The following SYT14 variants were observed in gnomAD, a reference collection of about 807,000 sequenced individuals.
The protein encoded by SYT14 is synaptotagmin-14.
In SYT14, 32 loss-of-function variants were observed where a neutral mutation model predicts 74.2. That is an observed-to-expected ratio of 0.43 (90% CI 0.33 to 0.58). The LOEUF is 0.58. Ranked by LOEUF, SYT14 falls within the 20% of genes least tolerant of loss-of-function variation. The pLI, the probability that SYT14 is intolerant of heterozygous loss-of-function variation, is 0.05. For synonymous variants in SYT14, 298 were observed against 337.7 expected, an observed-to-expected ratio of 0.88 and a Z score of 1.29; for missense variants, 791 against 981.8, an observed-to-expected ratio of 0.81 and a Z score of 2.60.
chr1:210,006,053 T>A (rs2079982413), intron 2 of SYT14, among the ~76,000 whole-genome samples: 1 of 151,906 alleles, frequency 6.6e-6, no homozygotes, highest in East Asian at 1.9e-4. Flanking sequence ...GGTAACTGTT[T>A]CTCTTAGAGG....
intron 2 of SYT14, among the ~76,000 whole-genome samples, chr1:209,954,187 A>G (rs915797967): frequency 6.6e-6 from 1 of 152,242 alleles, no homozygotes; most frequent in African/African-American, 2.4e-5. Context: ...AGACAGCTAG[A>G]AGCAAGAAAA....
At chr1:210,132,815 C>G (rs896210426) in intron 7 of SYT14, among the ~76,000 whole-genome samples, 2 of 152,112 alleles carry the variant, frequency 1.3e-5, no homozygotes, top group Non-Finnish European at 2.9e-5. Context: ...TCCCTAGCCT[C>G]TCTTCTGGAT....
intron 5 of SYT14, among the ~76,000 whole-genome samples, chr1:210,076,942 A>G (rs553146043): frequency 3.4e-4 from 52 of 152,286 alleles, no homozygotes; most frequent in African/African-American, 1.2e-3. Flanking sequence ...GCCAAACCAT[A>G]TCAGTGGCTT....
intron 5 of SYT14, among the ~76,000 whole-genome samples, chr1:210,058,191 C>A (rs1364826629): frequency 6.6e-6 from 1 of 152,142 alleles, no homozygotes; most frequent in Non-Finnish European, 1.5e-5. Context: ...CATTCTGGGT[C>A]AGAGACTTCC....
intron 1 of SYT14, among the ~76,000 whole-genome samples, chr1:209,945,238 A>G (rs2078804404): frequency 6.6e-6 from 1 of 152,166 alleles, no homozygotes; most frequent in African/African-American, 2.4e-5. Flanking sequence ...TATTATTTTT[A>G]CTTACTCCAA....
intron 2 of SYT14, among the ~76,000 whole-genome samples, chr1:209,976,054 C>A (rs924832104): frequency 6.6e-6 from 1 of 152,074 alleles, no homozygotes; most frequent in Non-Finnish European, 1.5e-5. Context: ...GTGATATCCC[C>A]TTTATCATTT....
At chr1:209,996,964 C>T (rs935259583) in intron 2 of SYT14, among the ~76,000 whole-genome samples, 1 of 151,872 alleles carries the variant, frequency 6.6e-6, no homozygotes, top group African/African-American at 2.4e-5. Context: ...AGGAACATAC[C>T]TCAAAATAAT....
At chr1:209,961,496 G>A (rs1221600309) in intron 2 of SYT14, among the ~76,000 whole-genome samples, 1 of 152,082 alleles carries the variant, frequency 6.6e-6, no homozygotes, top group Non-Finnish European at 1.5e-5. Context: ...TCCAGGCTGG[G>A]TAACTAAAGT....
chr1:210,133,369 A>T (rs745722548), intron 7 of SYT14, among the ~76,000 whole-genome samples: 5 of 152,216 alleles, frequency 3.3e-5, no homozygotes, highest in Non-Finnish European at 7.3e-5. Flanking sequence ...ACCAGAAGCT[A>T]TTATCACTGG....
At chr1:210,147,245 A>C (rs1002294170) in intron 7 of SYT14, among the ~76,000 whole-genome samples, 2 of 152,156 alleles carry the variant, frequency 1.3e-5, no homozygotes, top group Admixed American at 6.5e-5. Context: ...TAGAATGAAA[A>C]AGTCATTAAA....
At chr1:210,032,842 A>C (rs2080571969) in intron 5 of SYT14, among the ~76,000 whole-genome samples, 1 of 151,734 alleles carries the variant, frequency 6.6e-6, no homozygotes, top group African/African-American at 2.4e-5. Context: ...CCATTCTACT[A>C]ATTGTGATAG....
At chr1:209,999,586 C>A (rs900297695) in intron 2 of SYT14, among the ~76,000 whole-genome samples, 23 of 151,968 alleles carry the variant, frequency 1.5e-4, no homozygotes, top group African/African-American at 5.6e-4. Flanking sequence ...AAGAATGAAA[C>A]CTTGTCATTT....
chr1:210,027,988 T>G (rs554207326), intron 5 of SYT14, among the ~76,000 whole-genome samples: 11 of 152,158 alleles, frequency 7.2e-5, no homozygotes, highest in Non-Finnish European at 1.5e-4. Flanking sequence ...TGTACAACCA[T>G]CACCACTATT....
chr1:210,040,943 C>G (rs968173934), intron 5 of SYT14, among the ~76,000 whole-genome samples: 2 of 152,184 alleles, frequency 1.3e-5, no homozygotes, highest in Admixed American at 6.5e-5. Flanking sequence ...TCCATGATCT[C>G]TGTTCTTCTA....
intron 5 of SYT14, among the ~76,000 whole-genome samples, chr1:210,068,469 C>A (rs949038405): frequency 4.6e-5 from 7 of 151,466 alleles, no homozygotes; most frequent in Non-Finnish European, 1.0e-4. Flanking sequence ...GACCATTATA[C>A]GAGATTAAGA....
At chr1:209,987,615 T>TA (rs1312253637) in intron 2 of SYT14, among the ~76,000 whole-genome samples, 2 of 152,240 alleles carry the variant, frequency 1.3e-5, no homozygotes, top group African/African-American at 4.8e-5. Context: ...CACTGGTAAT[T>TA]ACATTTCAAT....
rs1558079326 is a variant in SYT14 at position 209,938,295 on chromosome 1, GC to G, written c.-534+19del. ...GATTGAAGGTAAGTGGAGGCTGACA[GC>G]GGGGAGCGAGGACCGGGACCACCCA... On this transcript the variant is annotated intron_variant, in intron 1 of 9. Transcript: ENST00000637265. 15 of 1,555,016 alleles carry G rather than the reference GC, an allele frequency of 9.6e-6. No individual in the cohort carries two copies. The highest frequency in any genetic ancestry group is 1.2e-5 in the Non-Finnish European group (14 of 1,146,846).
chr1:210,125,842 A>G (rs939069525), intron 7 of SYT14, among the ~76,000 whole-genome samples: 1 of 152,214 alleles, frequency 6.6e-6, no homozygotes, highest in Non-Finnish European at 1.5e-5. Context: ...CCAGGGTTTG[A>G]TTCTAGTTAA....
In SYT14 at chr1:210,094,317, A is replaced by G. The variant is rs927679885; in HGVS notation, c.1313-5A>G. The G allele has an allele frequency of 6.2e-6, 10 of 1,613,678 alleles. No homozygotes were observed. The East Asian group carries it at 8.9e-5, about 14-fold the overall frequency. On this transcript the variant is annotated splice_region_variant and splice_polypyrimidine_tract_variant and intron_variant, in intron 5 of 9. Coordinates refer to ENST00000637265, the Ensembl canonical transcript of SYT14. ...AACAGTGACCAGATTCTTAATCATT[A>G]TCAGGAAACTGCATTCAGAGAATGA...
Sources: gnomAD v4.1 joint callset for allele counts (sites outside exome capture counted in the v4.1 genomes callset) on GRCh38, gnomAD v4.1.1 for gene constraint, MANE v1.5 for transcripts, NCBI Gene and HGNC (gene_info 2026-07-23, HGNC 2026-07-21) for gene names.